The following NKAIN3 variants were observed in gnomAD, a reference collection of about 807,000 sequenced individuals.
The protein encoded by NKAIN3 is sodium/potassium-transporting ATPase subunit beta-1-interacting protein 3.
In NKAIN3, 25 loss-of-function variants were observed where a neutral mutation model predicts 30.2. That is an observed-to-expected ratio of 0.83 (90% confidence interval 0.60 to 1.16). The LOEUF is 1.16. Among genes scored for constraint, NKAIN3 ranks in the 50% most tolerant of loss-of-function variants. NKAIN3 has a pLI of 0.00. For synonymous variants in NKAIN3, 91 were observed against 89.6 expected (o/e 1.02, Z -0.09); for missense variants, 225 against 254.1 (o/e 0.89, Z 0.78).
intron 5 of NKAIN3, among the ~76,000 whole-genome samples, chr8:62,918,724 C>G (rs1238955237): frequency 2.0e-5 from 3 of 152,104 alleles, no homozygotes; most frequent in Non-Finnish European, 4.4e-5. Context: ...TTTGTGAGAG[C>G]ACGTGCAGAG....
chr8:62,400,920 A>G (rs1310144571), intron 1 of NKAIN3, among the ~76,000 whole-genome samples: 1 of 151,934 alleles, frequency 6.6e-6, no homozygotes, highest in East Asian at 1.9e-4. Flanking sequence ...AATGTGCTTC[A>G]TGTTCTGTAA....
At chr8:62,414,571 T>C (rs1223222760) in intron 1 of NKAIN3, among the ~76,000 whole-genome samples, 1 of 152,166 alleles carries the variant, frequency 6.6e-6, no homozygotes, top group Admixed American at 6.5e-5. Context: ...TGAGTCAACT[T>C]TTCTAGATAT....
chr8:62,883,232 T>G (rs1300289920), intron 4 of NKAIN3, among the ~76,000 whole-genome samples: 23 of 152,164 alleles, frequency 1.5e-4, no homozygotes. Flanking sequence ...TTTGATTTCT[T>G]TAGTCAGAGC....
At chr8:62,594,724 G>T (rs1339229394) in intron 3 of NKAIN3, among the ~76,000 whole-genome samples, 1 of 151,890 alleles carries the variant, frequency 6.6e-6, no homozygotes, top group Non-Finnish European at 1.5e-5. Flanking sequence ...AATCTTAATA[G>T]TTTGTTCTAC....
intron 3 of NKAIN3, among the ~76,000 whole-genome samples, chr8:62,697,964 A>G (rs991247614): frequency 6.6e-6 from 1 of 152,240 alleles, no homozygotes; most frequent in Admixed American, 6.5e-5. Flanking sequence ...ATCAATACCA[A>G]TAAAATATAG....
chr8:62,340,295 T>C (rs1390432410), intron 1 of NKAIN3, among the ~76,000 whole-genome samples: 1 of 151,970 alleles, frequency 6.6e-6, no homozygotes, highest in Non-Finnish European at 1.5e-5. Context: ...TATAATTTTT[T>C]CCTCCTGGGT....
At chr8:62,920,869 G>C (rs1822255953) in intron 5 of NKAIN3, among the ~76,000 whole-genome samples, 2 of 152,178 alleles carry the variant, frequency 1.3e-5, no homozygotes, top group South Asian at 4.1e-4. Flanking sequence ...TGCTGGAAGA[G>C]AGATGATAAT....
chr8:62,844,888 A>G (rs1050987755), intron 4 of NKAIN3, among the ~76,000 whole-genome samples: 1 of 151,990 alleles, frequency 6.6e-6, no homozygotes, highest in African/African-American at 2.4e-5. Context: ...CATCACCAAC[A>G]CGAATCATAC....
chr8:62,394,870 C>A (rs1193437831), intron 1 of NKAIN3, among the ~76,000 whole-genome samples: 1 of 147,796 alleles, frequency 6.8e-6, no homozygotes, highest in Non-Finnish European at 1.5e-5. Flanking sequence ...GGTGGGGCGG[C>A]CGGGGGAGGC....
At chr8:62,937,428 G>A (rs1822819444) in intron 5 of NKAIN3, among the ~76,000 whole-genome samples, 1 of 152,050 alleles carries the variant, frequency 6.6e-6, no homozygotes, top group Non-Finnish European at 1.5e-5. Flanking sequence ...TTCACATCAC[G>A]GGAGAAGAAT....
At chr8:62,414,033 A>G (rs1398302026) in intron 1 of NKAIN3, among the ~76,000 whole-genome samples, 2 of 152,126 alleles carry the variant, frequency 1.3e-5, no homozygotes, top group African/African-American at 4.8e-5. Flanking sequence ...TCTGAAGTAA[A>G]TGTTGATAAA....
chr8:62,625,704 G>A (rs554081706), intron 3 of NKAIN3, among the ~76,000 whole-genome samples: 1 of 152,030 alleles, frequency 6.6e-6, no homozygotes, highest in Non-Finnish European at 1.5e-5. Flanking sequence ...GATTGAGAAG[G>A]GTACCTAATA....
chr8:62,628,383 A>T (rs920593656), intron 3 of NKAIN3, among the ~76,000 whole-genome samples: 1 of 152,128 alleles, frequency 6.6e-6, no homozygotes, highest in Non-Finnish European at 1.5e-5. Context: ...TGCATAGCGA[A>T]TTTTGCACAG....
intron 1 of NKAIN3, among the ~76,000 whole-genome samples, chr8:62,354,723 G>A (rs1224352405): frequency 2.0e-5 from 3 of 152,156 alleles, no homozygotes; most frequent in Non-Finnish European, 2.9e-5. Flanking sequence ...GATTACAGAC[G>A]TGAGCCACCG....
At chr8:62,293,950 C>T (rs1275832224) in intron 1 of NKAIN3, among the ~76,000 whole-genome samples, 3 of 152,184 alleles carry the variant, frequency 2.0e-5, no homozygotes, top group African/African-American at 4.8e-5. Context: ...ACACCCCTCC[C>T]CCAGCCTCAC....
chr8:62,749,213 G>A lies in NKAIN3; in HGVS notation c.471+2084G>A, dbSNP rs151109989. Among the ~76,000 whole-genome samples the A allele has an allele frequency of 5.7e-3, 872 of 152,232 alleles. 4 individuals carry two copies. The highest frequency in any genetic ancestry group is 6.8e-3 in the Middle Eastern group (2 of 294). On this transcript the variant is annotated intron_variant, in intron 4 of 6. Transcript: ENST00000623646. ...CCAGACCTTTACAATGCAGCAGGAC[G>A]CTTGGAATCCAAAAGTCATTTCCCC...
chr8:62,777,863 G>C (rs1320084445), intron 4 of NKAIN3, among the ~76,000 whole-genome samples: 1 of 152,078 alleles, frequency 6.6e-6, no homozygotes. Flanking sequence ...GGTATTCAAA[G>C]GTCCTTGATT....
Position 62,304,148 on chromosome 8 carries a change from A to T in NKAIN3, c.54+55021A>T, listed in dbSNP as rs1396436103. On this transcript the variant is annotated intron_variant, in intron 1 of 6. Transcript: ENST00000623646. ...GGTGTAAAAATGAGTTGCTGAGAAG[A>T]TATGTGTCTGTCTAAATCCATAGAG... is the stretch of plus-strand genomic sequence containing the variant. 7.3e-5 allele frequency among the ~76,000 whole-genome samples: 11 copies of T among 150,616 alleles called. 1 individual carries two copies. Among genetic ancestry groups the T allele is most frequent in the African/African-American group, 2.7e-4 (11 of 40,008 alleles).
At chr8:62,314,845 T>C (rs1814559764) in intron 1 of NKAIN3, among the ~76,000 whole-genome samples, 1 of 152,202 alleles carries the variant, frequency 6.6e-6, no homozygotes, top group African/African-American at 2.4e-5. Context: ...CCAACTATTA[T>C]ATGATGGGTA....
Sources: allele counts gnomAD v4.1 joint callset (sites outside exome capture counted in the v4.1 genomes callset), GRCh38; gene constraint gnomAD v4.1.1; transcripts MANE v1.5; gene names NCBI Gene and HGNC (gene_info 2026-07-23, HGNC 2026-07-21).